CNTNAP5: variants seen among roughly 807,000 people sequenced by gnomAD.
CNTNAP5 encodes contactin associated protein family member 5, also known as contactin-associated protein-like 5.
In CNTNAP5, 72 loss-of-function variants were observed where a neutral mutation model predicts 150.2. That is an observed-to-expected ratio of 0.48 (90% confidence interval 0.40 to 0.58). CNTNAP5 has a LOEUF of 0.58. Ranked by LOEUF, CNTNAP5 falls within the 20% of genes least tolerant of loss-of-function variation. The pLI, the probability that CNTNAP5 is intolerant of heterozygous loss-of-function variation, is 0.00. For missense variants in CNTNAP5, 1,636 were observed against 1,626.2 expected (o/e 1.01, Z -0.10); for synonymous variants, 672 against 619.8 (o/e 1.08, Z -1.25).
rs1685372143 is a variant in CNTNAP5, at chr2:124,188,037, A to G, written c.83-33668A>G. Reference sequence around the variant, plus strand: ...ATGAGAGAATCTGGTGGTATCAGACAAAGTGTGCTTATTTCACTAGTTTCC... The same window carrying G: ...ATGAGAGAATCTGGTGGTATCAGACGAAGTGTGCTTATTTCACTAGTTTCC... On this transcript the variant is annotated intron_variant, in intron 1 of 23. Coordinates refer to ENST00000682447, the MANE Select transcript of CNTNAP5 (RefSeq NM_001367498.1). 5.3e-5 allele frequency among the ~76,000 whole-genome samples: 8 copies of G among 152,262 alleles called. No homozygotes were observed. In the South Asian group the frequency reaches 1.7e-3, roughly 32 times the overall value.
intron 19 of CNTNAP5, among the ~76,000 whole-genome samples, chr2:124,814,240 C>T (rs1169557145): frequency 6.7e-6 from 1 of 150,282 alleles, no homozygotes; most frequent in African/African-American, 2.5e-5. Flanking sequence ...TTGCTCGAAT[C>T]CTCTTTTTTT....
chr2:124,648,680 A>G (rs1488810175), intron 13 of CNTNAP5, among the ~76,000 whole-genome samples: 1 of 152,214 alleles, frequency 6.6e-6, no homozygotes, highest in East Asian at 1.9e-4. Context: ...AACTTCTAGA[A>G]CTGCTTACTA....
intron 19 of CNTNAP5, among the ~76,000 whole-genome samples, chr2:124,807,053 A>G (rs1682096620): frequency 6.6e-6 from 1 of 152,130 alleles, no homozygotes; most frequent in Admixed American, 6.5e-5. Context: ...CAGAGAAAAG[A>G]CATGTTTTTA....
intron 3 of CNTNAP5, among the ~76,000 whole-genome samples, chr2:124,377,783 C>A (rs1261107885): frequency 6.6e-6 from 1 of 150,988 alleles, no homozygotes; most frequent in African/African-American, 2.4e-5. Context: ...GTTATGGCTA[C>A]CAGAGAATGT....
chr2:124,190,081 C>G (rs1345453189), intron 1 of CNTNAP5, among the ~76,000 whole-genome samples: 1 of 152,166 alleles, frequency 6.6e-6, no homozygotes, highest in Admixed American at 6.5e-5. Context: ...GATACAAAAC[C>G]TTCATGCTTG....
intron 3 of CNTNAP5, among the ~76,000 whole-genome samples, chr2:124,326,972 CTT>C (rs1192969997): frequency 2.9e-5 from 2 of 68,534 alleles, no homozygotes; most frequent in Admixed American, 1.6e-4. Flanking sequence ...TAGATCCTGA[CTT>C]TTTTTTTTTT....
chr2:124,621,857 A>T (rs1677621288), intron 12 of CNTNAP5, among the ~76,000 whole-genome samples: 1 of 152,214 alleles, frequency 6.6e-6, no homozygotes, highest in Admixed American at 6.5e-5. Flanking sequence ...TAGCAAAGTA[A>T]GTAGAATTTA....
chr2:124,234,784 T>G (rs1167658953), intron 2 of CNTNAP5, among the ~76,000 whole-genome samples: 2 of 152,194 alleles, frequency 1.3e-5, no homozygotes, highest in Non-Finnish European at 2.9e-5. Context: ...AAAGGGAAGA[T>G]ATTTATTGGA....
At chr2:124,268,503 G>A (rs1687667927) in intron 3 of CNTNAP5, among the ~76,000 whole-genome samples, 1 of 152,184 alleles carries the variant, frequency 6.6e-6, no homozygotes, top group Non-Finnish European at 1.5e-5. Context: ...GGGCCAAATC[G>A]TAAATAGAGG....
At chr2:124,689,645 A>C (rs1679261768) in intron 13 of CNTNAP5, among the ~76,000 whole-genome samples, 2 of 151,976 alleles carry the variant, frequency 1.3e-5, no homozygotes, top group Admixed American at 1.3e-4. Flanking sequence ...AGATGTGTGA[A>C]TGTGCATGTG....
At chr2:124,461,853 TC>T (rs1307993891) in intron 6 of CNTNAP5, among the ~76,000 whole-genome samples, 1 of 89,452 alleles carries the variant, frequency 1.1e-5, no homozygotes, top group Non-Finnish European at 2.1e-5. Context: ...AGGGTGAGAT[TC>T]CACCTCAAAA....
intron 2 of CNTNAP5, among the ~76,000 whole-genome samples, chr2:124,236,483 A>T (rs1471087599): frequency 6.6e-6 from 1 of 152,182 alleles, no homozygotes; most frequent in Non-Finnish European, 1.5e-5. Flanking sequence ...AGGGAGGAGC[A>T]GGAAGCCCTT....
At chr2:124,452,533 C>T (rs374850517) in intron 6 of CNTNAP5, among the ~76,000 whole-genome samples, 4 of 152,136 alleles carry the variant, frequency 2.6e-5, no homozygotes, top group Non-Finnish European at 5.9e-5. Flanking sequence ...CCTCTCCATA[C>T]TACTAAGGCT....
chr2:124,394,403 TAATA>T (rs1219243210), intron 3 of CNTNAP5, among the ~76,000 whole-genome samples: 2 of 143,396 alleles, frequency 1.4e-5, no homozygotes, highest in Non-Finnish European at 3.1e-5. Flanking sequence ...AGAAAAAAGG[TAATA>T]AATAAATAGA....
chr2:124,039,514 C>T (rs995076913), intron 1 of CNTNAP5, among the ~76,000 whole-genome samples: 3 of 152,092 alleles, frequency 2.0e-5, no homozygotes, highest in South Asian at 2.1e-4. Flanking sequence ...GCTCCATCAG[C>T]GAGGCTATCT....
intron 3 of CNTNAP5, among the ~76,000 whole-genome samples, chr2:124,251,174 C>A (rs1435886424): frequency 6.6e-6 from 1 of 152,092 alleles, no homozygotes; most frequent in Non-Finnish European, 1.5e-5. Flanking sequence ...CTGAATGATG[C>A]CCCTAAGTTT....
At chr2:124,364,886 C>T (rs1690326240) in intron 3 of CNTNAP5, among the ~76,000 whole-genome samples, 1 of 142,792 alleles carries the variant, frequency 7.0e-6, no homozygotes, top group African/African-American at 2.6e-5. Flanking sequence ...CTTCCTAGGG[C>T]ATTCCTCATT....
At chr2:124,617,923 C>T (rs979147153) in intron 12 of CNTNAP5, among the ~76,000 whole-genome samples, 2 of 152,036 alleles carry the variant, frequency 1.3e-5, no homozygotes, top group African/African-American at 4.8e-5. Context: ...AGAAGCTGGT[C>T]AAGAGCTGCA....
chr2:124,832,908 TTTTTCTTTTCC>T (rs1252255822), intron 19 of CNTNAP5, among the ~76,000 whole-genome samples: 148 of 147,162 alleles, frequency 1.0e-3, no homozygotes, highest in African/African-American at 3.7e-3. Context: ...TTTTTCTTTT[TTTTTCTTTTCC>T]TTTTTTTTTT....
Sources: allele counts gnomAD v4.1 joint callset (sites outside exome capture counted in the v4.1 genomes callset), GRCh38; gene constraint gnomAD v4.1.1; transcripts MANE v1.5; gene names NCBI Gene and HGNC (gene_info 2026-07-23, HGNC 2026-07-21).